The following DPP10 variants were observed in gnomAD, a reference collection of about 807,000 sequenced individuals.
DPP10 encodes the protein inactive dipeptidyl peptidase 10.
A neutral mutation model predicts 120.9 loss-of-function variants in DPP10; 33 were observed. The observed-to-expected ratio is 0.27, with a 90% CI of 0.21 to 0.37. The LOEUF (loss-of-function observed/expected upper bound fraction) is 0.37. Among genes scored for constraint, DPP10 ranks in the 10% least tolerant of loss-of-function variants. The pLI is 1.00. For missense variants in DPP10, 816 were observed against 942.8 expected (o/e 0.87, Z 1.76); for synonymous variants, 337 against 326.1 (o/e 1.03, Z -0.36).
At chr2:115,692,757 T>G (rs1259935829) in intron 7 of DPP10, among the ~76,000 whole-genome samples, 1 of 152,160 alleles carries the variant, frequency 6.6e-6, no homozygotes, top group East Asian at 1.9e-4. Flanking sequence ...ATCATATCAT[T>G]GTGATAATTA....
At chr2:115,229,139 C>A (rs973406886) in intron 1 of DPP10, among the ~76,000 whole-genome samples, 1 of 152,146 alleles carries the variant, frequency 6.6e-6, no homozygotes, top group Non-Finnish European at 1.5e-5. Context: ...TGATGTTGAG[C>A]ATCTATTCAT....
At chr2:114,800,695 A>G (rs1519672) in intron 1 of DPP10, among the ~76,000 whole-genome samples, 84,097 of 152,006 alleles carry the variant, frequency 0.55, 23,566 homozygotes, top group East Asian at 0.78. Flanking sequence ...AGAGGTACAT[A>G]TTGCTTCTCC....
At position 114,857,149 on chromosome 2, in the gene DPP10, C is replaced by T. The variant is rs1198004519; in HGVS notation, c.60+414311C>T. On this transcript the variant is annotated intron_variant, in intron 1 of 25. Transcript: ENST00000410059. Reference sequence around the variant, plus strand: ...AAATCCTATCATTTTTCCTTCCCGGCCTCATTGTTAATAGACATGAATTTA... The same window carrying T: ...AAATCCTATCATTTTTCCTTCCCGGTCTCATTGTTAATAGACATGAATTTA... Among the ~76,000 whole-genome samples the T allele has an allele frequency of 3.9e-5, 6 of 152,256 alleles. No individual in the cohort carries two copies. In the East Asian group the frequency reaches 1.2e-3, roughly 29 times the overall value.
intron 7 of DPP10, among the ~76,000 whole-genome samples, chr2:115,724,839 G>C (rs893234758): frequency 6.6e-6 from 1 of 152,168 alleles, no homozygotes; most frequent in Non-Finnish European, 1.5e-5. Context: ...CATGGCAGAA[G>C]GTAAAGCAGG....
rs531644646 is a variant in DPP10, at chr2:115,765,118, G to GAC, written c.1113+2510_1113+2511dup. 7.9e-5 allele frequency among the ~76,000 whole-genome samples: 12 copies of GAC among 152,198 alleles called. No homozygotes were observed. In the South Asian group the frequency reaches 2.5e-3, roughly 32 times the overall value. ...GTGTGGAGCTGAATGTTTATCACCA[G>GAC]ACATTGTCAAGTGTTGGGGGCAGAT... is the stretch of plus-strand genomic sequence containing the variant. On this transcript the variant is annotated intron_variant, in intron 12 of 25. Coordinates refer to ENST00000410059, the MANE Select transcript of DPP10 (RefSeq NM_020868.6).
At chr2:115,283,530 G>A (rs996753171) in intron 1 of DPP10, among the ~76,000 whole-genome samples, 1 of 152,068 alleles carries the variant, frequency 6.6e-6, no homozygotes, top group Non-Finnish European at 1.5e-5. Context: ...TATCTCAGAT[G>A]TGAAGTATAT....
chr2:115,242,020 A>G (rs546891227), intron 1 of DPP10, among the ~76,000 whole-genome samples: 36 of 152,050 alleles, frequency 2.4e-4, no homozygotes, highest in Non-Finnish European at 4.1e-4. Context: ...AAAAATTTCT[A>G]TAGGTTTTTG....
chr2:115,573,575 C>T (rs1264639290), intron 5 of DPP10, among the ~76,000 whole-genome samples: 1 of 145,894 alleles, frequency 6.9e-6, no homozygotes. Context: ...AGCCACTGCG[C>T]CCGGCCTTTT....
chr2:114,695,287 G>A (rs189983591), intron 1 of DPP10, among the ~76,000 whole-genome samples: 1 of 152,112 alleles, frequency 6.6e-6, no homozygotes, highest in East Asian at 1.9e-4. Context: ...GTGAAATAGA[G>A]AGAAGTTAAG....
intron 1 of DPP10, among the ~76,000 whole-genome samples, chr2:114,911,632 A>G (rs74912879): frequency 0.027 from 4,082 of 152,330 alleles, 182 homozygotes; most frequent in African/African-American, 0.094. Flanking sequence ...AAACCAGCCA[A>G]GACAAAGCTT....
chr2:115,656,969 A>G (rs971860811), intron 5 of DPP10, among the ~76,000 whole-genome samples: 3 of 151,646 alleles, frequency 2.0e-5, no homozygotes, highest in Admixed American at 1.3e-4. Context: ...TGCATAATAA[A>G]TAAGTTCTGA....
intron 5 of DPP10, among the ~76,000 whole-genome samples, chr2:115,555,315 A>G (rs1018714776): frequency 3.3e-5 from 5 of 152,098 alleles, no homozygotes; most frequent in African/African-American, 1.2e-4. Context: ...TACAAATTGT[A>G]TTAATGTTTT....
chr2:115,432,506 T>A (rs977888826), intron 3 of DPP10, among the ~76,000 whole-genome samples: 8 of 152,108 alleles, frequency 5.3e-5, no homozygotes, highest in Admixed American at 3.9e-4. Context: ...ATTAAGGAAT[T>A]AGAAATGATC....
At chr2:114,750,915 T>C (rs759899317) in intron 1 of DPP10, among the ~76,000 whole-genome samples, 1 of 152,178 alleles carries the variant, frequency 6.6e-6, no homozygotes. Context: ...ATCTAAACAT[T>C]CTGAATATTA....
At chr2:115,696,572 A>G (rs1372763995) in intron 7 of DPP10, among the ~76,000 whole-genome samples, 1 of 152,198 alleles carries the variant, frequency 6.6e-6, no homozygotes, top group Non-Finnish European at 1.5e-5. Context: ...AAAATTGACA[A>G]GAGTTACCAC....
chr2:114,895,433 C>G (rs1692886731), intron 1 of DPP10, among the ~76,000 whole-genome samples: 1 of 152,120 alleles, frequency 6.6e-6, no homozygotes, highest in Admixed American at 6.6e-5. Flanking sequence ...GAGTGTTGTC[C>G]ATTGGAACAT....
intron 1 of DPP10, among the ~76,000 whole-genome samples, chr2:114,475,257 G>GT (rs1354602113): frequency 6.6e-6 from 1 of 152,094 alleles, no homozygotes; most frequent in African/African-American, 2.4e-5. Context: ...TGGCACAGAG[G>GT]TTTTTATAAT....
chr2:114,444,082 A>G (rs1677810051), intron 1 of DPP10, among the ~76,000 whole-genome samples: 1 of 152,178 alleles, frequency 6.6e-6, no homozygotes, highest in Non-Finnish European at 1.5e-5. Flanking sequence ...AAACATAGGG[A>G]GTTAACTGAA....
chr2:114,952,497 C>A (rs921565529), intron 1 of DPP10, among the ~76,000 whole-genome samples: 2 of 152,116 alleles, frequency 1.3e-5, no homozygotes, highest in African/African-American at 4.8e-5. Context: ...AGCCACCACT[C>A]GTCATTTAGG....
Sources: gnomAD v4.1 joint callset for allele counts (sites outside exome capture counted in the v4.1 genomes callset) on GRCh38, gnomAD v4.1.1 for gene constraint, MANE v1.5 for transcripts, NCBI Gene and HGNC (gene_info 2026-07-23, HGNC 2026-07-21) for gene names.